Variants in REST observed in about 807,000 individuals in gnomAD.
REST encodes the protein RE1 silencing transcription factor, also known as RE1-silencing transcription factor.
Under a neutral mutation model 30.4 loss-of-function variants are expected in REST, and 1 was observed. That is an observed-to-expected ratio of 0.03 (90% CI 0.01 to 0.16). REST has a LOEUF of 0.16. Ranked by LOEUF, REST falls within the 10% of genes least tolerant of loss-of-function variation. REST has a pLI of 1.00. For missense variants in REST, 1,259 were observed against 1,329.5 expected (o/e 0.95, Z 0.82); for synonymous variants, 504 against 451.1 (o/e 1.12, Z -1.49).
rs915954510 is a variant in REST, at chr4:56,910,950, T to C, written c.312T>C (p.His104=). The C allele has an allele frequency of 6.2e-7, 1 of 1,614,180 alleles. No homozygotes were observed. Among genetic ancestry groups the C allele is most frequent in the Non-Finnish European group, 8.5e-7 (1 of 1,180,038 alleles). ...EESADIKGEP[H]GLENMELRSL... is the part of the protein sequence containing the mutation. ...CTGCTGATATAAAAGGTGAACCTCA[T>C]GGACTGGAAAACATGGAACTGAGAA... Residue 104 remains histidine (H), a synonymous_variant, in exon 2 of 4, where the codon CAT becomes CAC. Coordinates refer to ENST00000309042, the MANE Select transcript of REST (RefSeq NM_005612.5).
At position 56,933,183 on chromosome 4, in the gene REST, A is replaced by G. The variant is rs980892929; in HGVS notation, c.*1031A>G. 2 of 152,186 alleles carry G rather than the reference A, an allele frequency of 1.3e-5. No homozygotes were observed. The highest frequency in any genetic ancestry group is 2.9e-5 in the Non-Finnish European group (2 of 68,030). The allele number at this position is 152,186 out of a possible 1,614,324, so 9.4% of individuals were successfully genotyped here. ...TAGGTTGCATGTCGAACAAATTTTT[A>G]TCTCAAATACCAACCATCAGTTTTT... On this transcript the variant is annotated 3_prime_UTR_variant, in exon 4 of 4. Transcript: ENST00000309042.
chr4:56,917,241 T>C (rs1720240679), intron 2 of REST, among the ~76,000 whole-genome samples: 1 of 152,246 alleles, frequency 6.6e-6, no homozygotes, highest in African/African-American at 2.4e-5. Context: ...ACCAACTCTT[T>C]ACAGCTAATT....
Position 56,911,220 on chromosome 4 carries a change from G to A in REST, c.582G>A (p.Lys194=). The A allele has an allele frequency of 1.2e-6, 2 of 1,614,176 alleles. No individual in the cohort carries two copies. ...TTTTTGTGGAAGAGAGTGCAGAGAAGCAGGCAAAAGCCAGGGAATCTGGCT... is the reference window on the plus strand; with the variant it reads ...TTTTTGTGGAAGAGAGTGCAGAGAAACAGGCAAAAGCCAGGGAATCTGGCT... The part of the protein sequence containing the change: ...KKFFVEESAE[K]QAKARESGSS... The change falls in exon 2 of 4, where the codon AAG becomes AAA. Residue 194 remains lysine, a synonymous_variant. Transcript: ENST00000309042.
At chr4:56,917,058 G>T (rs1200036538) in intron 2 of REST, among the ~76,000 whole-genome samples, 1 of 152,132 alleles carries the variant, frequency 6.6e-6, no homozygotes, top group Non-Finnish European at 1.5e-5. Context: ...CTATCTTAGT[G>T]GATATGAAGT....
intron 2 of REST, among the ~76,000 whole-genome samples, chr4:56,915,220 T>TTGTG (rs775223358): frequency 0.058 from 6,354 of 109,082 alleles, 319 homozygotes; most frequent in African/African-American, 0.075. Context: ...CTGGCCAATT[T>TTGTG]TGTGTGTGTG....
At chr4:56,913,936 G>A (rs1005414707) in intron 2 of REST, among the ~76,000 whole-genome samples, 6 of 148,224 alleles carry the variant, frequency 4.0e-5, no homozygotes, top group Non-Finnish European at 7.4e-5. Flanking sequence ...GAGCCACCGC[G>A]CCTGGCCAGT....
rs781660 is a variant in REST at position 56,914,099 on chromosome 4, G to C, written c.898+2563G>C. Reference sequence around the variant, plus strand: ...CAGACGCATGCCACCACACCTGGCTGATATTTGTATGGTAGAGACAGGGTT... The same window carrying C: ...CAGACGCATGCCACCACACCTGGCTCATATTTGTATGGTAGAGACAGGGTT... On this transcript the variant is annotated intron_variant, in intron 2 of 3. Transcript: ENST00000309042. Among the ~76,000 whole-genome samples the C allele has an allele frequency of 3.3e-3, 506 of 151,834 alleles. 4 individuals carry two copies. The highest frequency in any genetic ancestry group is 6.3e-3 in the Non-Finnish European group (426 of 67,972).
Position 56,933,189 on chromosome 4 carries a change from A to G in REST, c.*1037A>G, listed in dbSNP as rs1721036177. On this transcript the variant is annotated 3_prime_UTR_variant, in exon 4 of 4. Coordinates refer to ENST00000309042, the MANE Select transcript of REST (RefSeq NM_005612.5). Reference sequence around the variant, plus strand: ...GCATGTCGAACAAATTTTTATCTCAAATACCAACCATCAGTTTTTTTTTTC... The same window carrying G: ...GCATGTCGAACAAATTTTTATCTCAGATACCAACCATCAGTTTTTTTTTTC... The G allele has an allele frequency of 6.6e-6, 1 of 152,202 alleles. No individual in the cohort carries two copies. Among genetic ancestry groups the G allele is most frequent in the Admixed American group, 6.5e-5 (1 of 15,278 alleles). 9.4% of individuals were successfully genotyped at this position (152,202 alleles called of 1,614,324 possible).
rs2109523495 is a variant in REST, at chr4:56,910,977, T to C, written c.339T>C (p.Ser113=). 1.2e-6 allele frequency: 2 copies of C among 1,614,080 alleles called. No individual in the cohort carries two copies. Among genetic ancestry groups the C allele is most frequent in the Non-Finnish European group, 8.5e-7 (1 of 1,180,008 alleles). ...GACTGGAAAACATGGAACTGAGAAG[T>C]TTGGAACTCAGCGTCGTAGAACCTC... ...PHGLENMELR[S]LELSVVEPQP... The change falls in exon 2 of 4, where the codon AGT becomes AGC. Residue 113 remains serine, a synonymous_variant. Transcript: ENST00000309042.
rs755818796 is a variant in REST, at chr4:56,931,274, C to A, written c.2416C>A (p.His806Asn). 3 of 1,614,228 alleles carry A rather than the reference C, an allele frequency of 1.9e-6. No individual in the cohort carries two copies. Among genetic ancestry groups the A allele is most frequent in the Admixed American group, 1.7e-5 (1 of 60,022 alleles). Residue 806 changes from histidine to asparagine, a missense_variant, in exon 4 of 4, where the codon CAC becomes AAC. By Grantham distance (68) the His-to-Asn change is moderately conservative. Transcript: ENST00000309042. ...EPPPPREPPL[H>N]MEPISKKPPL... The stretch of plus-strand genomic sequence containing the variant: ...ACCTCCTCCCAGAGAGCCTCCCCTT[C>A]ACATGGAGCCAATTTCCAAAAAGCC...
At position 56,930,425 on chromosome 4, in the gene REST, C is replaced by T. The variant is rs745929348; in HGVS notation, c.1567C>T (p.Leu523=). 1 of 1,613,804 alleles carries T rather than the reference C, an allele frequency of 6.2e-7. No homozygotes were observed. Among genetic ancestry groups the T allele is most frequent in the South Asian group, 1.1e-5 (1 of 91,038 alleles). Reference sequence around the variant, plus strand: ...TAAAACTAAGAAAAGCAAAAGGAAGCTGGAAGTTGACAGCCATTCTTTACA... The same window carrying T: ...TAAAACTAAGAAAAGCAAAAGGAAGTTGGAAGTTGACAGCCATTCTTTACA... The part of the protein sequence containing the change: ...FSKTKKSKRK[L]EVDSHSLHGP... Residue 523 remains leucine (L), a synonymous_variant, in exon 4 of 4, where the codon CTG becomes TTG. Coordinates refer to ENST00000309042, the MANE Select transcript of REST (RefSeq NM_005612.5).
chr4:56,932,136 C>T lies in REST; in HGVS notation c.3278C>T (p.Ala1093Val). 6.2e-7 allele frequency: 1 copy of T among 1,606,526 alleles called. No homozygotes were observed. The highest frequency in any genetic ancestry group is 8.5e-7 in the Non-Finnish European group (1 of 1,174,994). The change falls in exon 4 of 4, where the codon GCT (alanine) becomes GTT (valine). Residue 1093 changes from alanine to valine, a missense_variant. Physicochemically the swap from Ala to Val is moderately conservative, Grantham distance 64. Transcript: ENST00000309042. ...LVNVYYLEEA[A>V]QGQE The stretch of plus-strand genomic sequence containing the variant: ...AATGTGTACTATCTTGAAGAAGCAG[C>T]TCAAGGGCAGGAGTAATGAAACTTT...
intron 2 of REST, among the ~76,000 whole-genome samples, chr4:56,913,351 A>G (rs892745231): frequency 1.9e-4 from 29 of 152,292 alleles, no homozygotes; most frequent in Admixed American, 9.8e-4. Context: ...TGGGTTTTAA[A>G]TATTGTAATT....
intron 1 of REST, chr4:56,909,300 A>T (rs1719786572): frequency 6.6e-6 from 1 of 152,318 alleles, no homozygotes. Flanking sequence ...TGTGTTTGGT[A>T]TTTTGAGAAA....
chr4:56,925,163 T>TGA (rs1720633476), intron 3 of REST, among the ~76,000 whole-genome samples: 1 of 117,916 alleles, frequency 8.5e-6, no homozygotes, highest in African/African-American at 3.2e-5. Flanking sequence ...AGACTCAGTC[T>TGA]CAAAAAAAAA....
rs1720999451 is a variant in REST at position 56,932,136 on chromosome 4, CT to C, written c.3279del (p.Gln1094LysfsTer17). 2 of 1,606,408 alleles carry C rather than the reference CT, an allele frequency of 1.2e-6. No homozygotes were observed. Among genetic ancestry groups the C allele is most frequent in the Non-Finnish European group, 8.5e-7 (1 of 1,175,002 alleles). ...LVNVYYLEEA[A>X]QGQE ...AATGTGTACTATCTTGAAGAAGCAG[CT>C]CAAGGGCAGGAGTAATGAAACTTTG... On this transcript the variant is annotated frameshift_variant, in exon 4 of 4. Coordinates refer to ENST00000309042, the MANE Select transcript of REST (RefSeq NM_005612.5). LOFTEE classifies it high-confidence loss of function.
Position 56,911,110 on chromosome 4 carries a change from C to A in REST, c.472C>A (p.Pro158Thr). 6.2e-7 allele frequency: 1 copy of A among 1,614,188 alleles called. No individual in the cohort carries two copies. ...EDKGKSSKTK[P>T]FRCKPCQYEA... Reference sequence around the variant, plus strand: ...CAAAGGCAAGAGCTCGAAGACCAAACCCTTTCGCTGTAAGCCATGCCAATA... The same window carrying A: ...CAAAGGCAAGAGCTCGAAGACCAAAACCTTTCGCTGTAAGCCATGCCAATA... Residue 158 changes from proline (P) to threonine (T), a missense_variant, in exon 2 of 4, where the codon CCC becomes ACC. Pro to Thr is a conservative substitution (Grantham distance 38). This residue lies in a region of REST where 249 missense variants were observed against 251.5 expected (regional missense o/e 0.99). Coordinates refer to ENST00000309042, the MANE Select transcript of REST (RefSeq NM_005612.5).
In REST at chr4:56,928,980, C is replaced by T. The variant is rs115458034; in HGVS notation, c.983-861C>T. Among the ~76,000 whole-genome samples, 466 of 151,998 alleles carry T rather than the reference C, an allele frequency of 3.1e-3. 1 individual carries two copies. The highest frequency in any genetic ancestry group is 0.011 in the African/African-American group (446 of 41,444). ...GTAGCACATTCACAACTCACTGCTACTTCAAATTCCTGGGCTTAAGCGGTC... is the reference window on the plus strand; with the variant it reads ...GTAGCACATTCACAACTCACTGCTATTTCAAATTCCTGGGCTTAAGCGGTC... On this transcript the variant is annotated intron_variant, in intron 3 of 3. Transcript: ENST00000309042.
intron 2 of REST, among the ~76,000 whole-genome samples, chr4:56,915,754 A>G (rs774156765): frequency 2.0e-5 from 3 of 152,184 alleles, no homozygotes; most frequent in Non-Finnish European, 2.9e-5. Context: ...TTCCACTTGC[A>G]TTAGTAAGTA....
Sources: gnomAD v4.1 joint callset for allele counts (sites outside exome capture counted in the v4.1 genomes callset) on GRCh38, gnomAD v4.1.1 for gene constraint, gnomAD v4.1.1 regional missense constraint, MANE v1.5 for transcripts, NCBI Gene and HGNC (gene_info 2026-07-23, HGNC 2026-07-21) for gene names.